Variants in CBLB observed in about 807,000 individuals in gnomAD.
CBLB encodes E3 ubiquitin-protein ligase CBL-B.
CBLB carries 31 observed loss-of-function variants against 104.9 expected under a neutral mutation model. That is an observed-to-expected ratio of 0.30 (90% confidence interval 0.22 to 0.40). The LOEUF is 0.40. Among genes scored for constraint, CBLB ranks in the 10% least tolerant of loss-of-function variants. The probability of loss-of-function intolerance (pLI) is 1.00; values close to 1 mark genes in which losing one functional copy is unlikely to be tolerated. For synonymous variants in CBLB, 440 were observed against 422.6 expected (o/e 1.04, Z -0.51); for missense variants, 1,062 against 1,214.6 (o/e 0.87, Z 1.87).
At chr3:105,795,822 C>A (rs551252340) in intron 3 of CBLB, among the ~76,000 whole-genome samples, 18 of 152,258 alleles carry the variant, frequency 1.2e-4, no homozygotes, top group African/African-American at 3.9e-4. Context: ...CGGCTCACTG[C>A]AACCTCTGCC....
chr3:105,844,815 G>T (rs1384695118), intron 3 of CBLB, among the ~76,000 whole-genome samples: 7 of 152,118 alleles, frequency 4.6e-5, no homozygotes, highest in Admixed American at 3.3e-4. Flanking sequence ...CTCTTCTTGG[G>T]CTAGATTCCA....
intron 18 of CBLB, among the ~76,000 whole-genome samples, chr3:105,662,610 T>C (rs559062650): frequency 6.6e-6 from 1 of 152,332 alleles, no homozygotes; most frequent in East Asian, 1.9e-4. Flanking sequence ...GTCATTAATA[T>C]TTTAAAGCAC....
At chr3:105,693,857 A>C (rs968863320) in intron 12 of CBLB, among the ~76,000 whole-genome samples, 3 of 152,052 alleles carry the variant, frequency 2.0e-5, no homozygotes, top group African/African-American at 7.2e-5. Flanking sequence ...CCAGATACAG[A>C]TATTAATGGC....
chr3:105,733,949 T>G (rs967501831), intron 9 of CBLB, 60 bp downstream of exon 9: 1 of 1,524,196 alleles, frequency 6.6e-7, no homozygotes, highest in Non-Finnish European at 9.1e-7. Context: ...TTAAGAAAAC[T>G]GAAAAGAGAA....
At chr3:105,786,385 T>C (rs1454522251) in intron 3 of CBLB, among the ~76,000 whole-genome samples, 2 of 152,110 alleles carry the variant, frequency 1.3e-5, no homozygotes, top group African/African-American at 4.8e-5. Context: ...GGAGACAGAA[T>C]AGATTTCCAG....
chr3:105,838,277 T>G (rs1245664141), intron 3 of CBLB, among the ~76,000 whole-genome samples: 1 of 103,384 alleles, frequency 9.7e-6, no homozygotes, highest in Non-Finnish European at 2.1e-5. Flanking sequence ...TTTTTTTTTT[T>G]GTAGAGATGG....
intron 9 of CBLB, among the ~76,000 whole-genome samples, chr3:105,723,146 C>CTATG (rs773874773): frequency 2.0e-5 from 3 of 152,112 alleles, no homozygotes; most frequent in Non-Finnish European, 4.4e-5. Flanking sequence ...AGACGTCTAA[C>CTATG]CATAAAGTCT....
chr3:105,669,492 T>C (rs963572518), intron 18 of CBLB, among the ~76,000 whole-genome samples: 2 of 152,180 alleles, frequency 1.3e-5, no homozygotes, highest in South Asian at 2.1e-4. Context: ...CAGTCTATGG[T>C]ATTGTGTTAT....
chr3:105,792,638 C>T (rs1031725696), intron 3 of CBLB, among the ~76,000 whole-genome samples: 2 of 152,126 alleles, frequency 1.3e-5, no homozygotes, highest in Non-Finnish European at 2.9e-5. Context: ...TAAATTCTTC[C>T]GATGGGTCAA....
intron 12 of CBLB, among the ~76,000 whole-genome samples, chr3:105,700,322 A>G (rs1576436733): frequency 6.6e-6 from 1 of 152,178 alleles, no homozygotes; most frequent in Non-Finnish European, 1.5e-5. Context: ...TGAAATGGCT[A>G]TAACAACTAT....
At chr3:105,730,355 A>G (rs2074181652) in intron 9 of CBLB, among the ~76,000 whole-genome samples, 1 of 152,138 alleles carries the variant, frequency 6.6e-6, no homozygotes, top group South Asian at 2.1e-4. Flanking sequence ...TAAGTATGAT[A>G]AAAGGTCTTT....
At chr3:105,804,823 C>T (rs182201666) in intron 3 of CBLB, among the ~76,000 whole-genome samples, 103 of 152,126 alleles carry the variant, frequency 6.8e-4, no homozygotes, top group Non-Finnish European at 7.4e-4. Flanking sequence ...CTTTAAGGAT[C>T]CTTGAATTCA....
intron 4 of CBLB, among the ~76,000 whole-genome samples, chr3:105,763,295 G>A (rs190803617): frequency 4.6e-5 from 7 of 152,278 alleles, no homozygotes; most frequent in Non-Finnish European, 7.4e-5. Flanking sequence ...GGATTGTTGC[G>A]AAGGCATGAT....
At chr3:105,745,877 T>C (rs2076056246) in intron 6 of CBLB, 40 bp downstream of exon 6, 2 of 1,583,142 alleles carry the variant, frequency 1.3e-6, no homozygotes, top group East Asian at 4.5e-5. Flanking sequence ...ATTTTTCATC[T>C]TTGGATATAT....
At chr3:105,718,140 A>C (rs185380411) in intron 10 of CBLB, among the ~76,000 whole-genome samples, 1 of 152,130 alleles carries the variant, frequency 6.6e-6, no homozygotes, top group African/African-American at 2.4e-5. Flanking sequence ...TTTCTTGTTC[A>C]TCCTTCAGGA....
chr3:105,841,024 TG>T (rs2089460534), intron 3 of CBLB, among the ~76,000 whole-genome samples: 1 of 152,192 alleles, frequency 6.6e-6, no homozygotes, highest in South Asian at 2.1e-4. Context: ...CCAAGCACAG[TG>T]GCTCATGCCT....
At chr3:105,867,035 G>A (rs1489610837) in intron 2 of CBLB, among the ~76,000 whole-genome samples, 1 of 152,110 alleles carries the variant, frequency 6.6e-6, no homozygotes, top group Non-Finnish European at 1.5e-5. Context: ...GTCATGAGTG[G>A]TCAAAGACTT....
intron 5 of CBLB, among the ~76,000 whole-genome samples, chr3:105,747,946 C>A (rs753572807): frequency 1.1e-4 from 17 of 152,150 alleles, no homozygotes; most frequent in African/African-American, 1.7e-4. Flanking sequence ...ATCCAGAGGG[C>A]CAGCTTCTAA....
intron 3 of CBLB, among the ~76,000 whole-genome samples, chr3:105,834,600 G>A (rs2153084103): frequency 6.6e-6 from 1 of 152,296 alleles, no homozygotes; most frequent in Middle Eastern, 3.4e-3. Flanking sequence ...AGCTTGCAGT[G>A]AGACAAGATT....
Sources: allele counts gnomAD v4.1 joint callset (sites outside exome capture counted in the v4.1 genomes callset), GRCh38; gene constraint gnomAD v4.1.1; transcripts MANE v1.5; gene names NCBI Gene and HGNC (gene_info 2026-07-23, HGNC 2026-07-21).